The following CUL2 variants were observed in gnomAD, a reference collection of about 807,000 sequenced individuals.
CUL2 encodes the protein cullin-2.
In CUL2, 22 loss-of-function variants were observed where a neutral mutation model predicts 110.2. That is an observed-to-expected ratio of 0.20 (90% CI 0.14 to 0.28). The LOEUF (loss-of-function observed/expected upper bound fraction) is 0.28. CUL2 is among the 10% of genes least tolerant of loss of function. The pLI, the probability that CUL2 is intolerant of heterozygous loss-of-function variation, is 1.00. For missense variants in CUL2, 631 were observed against 905.5 expected (o/e 0.70, Z 3.89); for synonymous variants, 279 against 293.2 (o/e 0.95, Z 0.49).
chr10:35,024,255 A>G (rs1018957335), intron 17 of CUL2, among the ~76,000 whole-genome samples: 3 of 152,202 alleles, frequency 2.0e-5, no homozygotes, highest in Non-Finnish European at 4.4e-5. Flanking sequence ...GACTTATATA[A>G]GTAATGCAAA....
At position 35,016,193 on chromosome 10, in the gene CUL2, T is replaced by G. The variant is rs745503360; in HGVS notation, c.1886A>C (p.Lys629Thr). The change falls in exon 18 of 21, where the codon AAG becomes ACG. Residue 629 changes from lysine to threonine, a missense_variant and splice_region_variant. Transcript: ENST00000374749. Reference protein sequence around the residue: ...DVKMINHDSEKEDIDAESSFS... With the variant: ...DVKMINHDSETEDIDAESSFS... ...ATTCTTTGGAATATTACTACATACC[T>G]TTTCTGAATCATGGTTAATCATTTT... 8 of 1,611,204 alleles carry G rather than the reference T, an allele frequency of 5.0e-6. No homozygotes were observed. The highest frequency in any genetic ancestry group is 6.8e-6 in the Non-Finnish European group (8 of 1,177,922).
intron 2 of CUL2, among the ~76,000 whole-genome samples, chr10:35,098,702 G>A (rs572107914): frequency 6.3e-4 from 96 of 152,106 alleles, no homozygotes; most frequent in African/African-American, 2.2e-3. Context: ...AAGCCAACAC[G>A]GGTGGATCAC....
chr10:35,080,433 T>TTTTATTTATTTATTTA (rs139166454), intron 1 of CUL2, among the ~76,000 whole-genome samples: 2 of 140,634 alleles, frequency 1.4e-5, no homozygotes, highest in African/African-American at 2.7e-5. Flanking sequence ...GAATTCCTAT[T>TTTTATTTATTTATTTA]TTTATTTATT....
intron 11 of CUL2, 44 bp from the exon 12 acceptor site, chr10:35,032,538 A>G (rs923294469): frequency 1.2e-5 from 17 of 1,473,836 alleles, no homozygotes; most frequent in Non-Finnish European, 1.4e-5. Context: ...GCCATAGGGA[A>G]AAAGTACAGC....
intron 8 of CUL2, among the ~76,000 whole-genome samples, chr10:35,040,443 C>T (rs1009241127): frequency 1.3e-5 from 2 of 152,162 alleles, no homozygotes; most frequent in Non-Finnish European, 2.9e-5. Context: ...TAAGTGTTCC[C>T]GGGGAACTAC....
rs898987789 is a variant in CUL2, at chr10:35,009,745, G to C, written c.*566C>G. 1.3e-5 allele frequency: 2 copies of C among 152,564 alleles called. No homozygotes were observed. The highest frequency in any genetic ancestry group is 4.8e-5 in the African/African-American group (2 of 41,414). The allele number at this position is 152,564 out of a possible 1,614,324, so 9.5% of individuals were successfully genotyped here. On this transcript the variant is annotated 3_prime_UTR_variant, in exon 21 of 21. Transcript: ENST00000374749. ...CATTTTTCATGTAGGATTTAAATAG[G>C]AGTACAAGTGAATTAAACCATTCAG... is the stretch of plus-strand genomic sequence containing the variant.
intron 17 of CUL2, among the ~76,000 whole-genome samples, chr10:35,021,220 C>T (rs1006345204): frequency 6.6e-6 from 1 of 151,748 alleles, no homozygotes; most frequent in Admixed American, 6.6e-5. Flanking sequence ...TTAAATTAAC[C>T]TCCATGTTAA....
intron 9 of CUL2, among the ~76,000 whole-genome samples, chr10:35,037,283 C>T (rs1004176192): frequency 2.0e-5 from 3 of 152,216 alleles, no homozygotes; most frequent in Non-Finnish European, 4.4e-5. Flanking sequence ...AAAAGACCAT[C>T]TTTTACCTGC....
At chr10:35,115,621 T>A (rs2087584183) in intron 1 of CUL2, among the ~76,000 whole-genome samples, 1 of 150,632 alleles carries the variant, frequency 6.6e-6, no homozygotes, top group Non-Finnish European at 1.5e-5. Flanking sequence ...TGGCTGGGTG[T>A]GGTGGCTCAC....
At chr10:35,046,617 C>T (rs989788555) in intron 6 of CUL2, among the ~76,000 whole-genome samples, 7 of 152,120 alleles carry the variant, frequency 4.6e-5, no homozygotes, top group East Asian at 3.8e-4. Context: ...ATTGGCCAGG[C>T]GCAGTGGCTC....
At chr10:35,042,706 G>A (rs548022715) in intron 8 of CUL2, among the ~76,000 whole-genome samples, 36 of 152,262 alleles carry the variant, frequency 2.4e-4, no homozygotes, top group African/African-American at 8.7e-4. Flanking sequence ...GTCTCCTCAA[G>A]TGGTTGTTTA....
intron 5 of CUL2, among the ~76,000 whole-genome samples, chr10:35,053,152 A>G (rs2086156578): frequency 6.6e-6 from 1 of 152,192 alleles, no homozygotes; most frequent in Non-Finnish European, 1.5e-5. Flanking sequence ...AAGTTCAGAA[A>G]AGATGCGAAC....
At chr10:35,010,538 A>G in intron 20 of CUL2, 96 bp from the exon 21 acceptor site, 1 of 1,235,422 alleles carries the variant, frequency 8.1e-7, no homozygotes, top group Non-Finnish European at 1.1e-6. Context: ...AAATGTACTG[A>G]GGTTTCAACA....
At chr10:35,027,613 T>G (rs957853985) in intron 16 of CUL2, among the ~76,000 whole-genome samples, 1 of 152,160 alleles carries the variant, frequency 6.6e-6, no homozygotes, top group Admixed American at 6.5e-5. Context: ...GATAGTTATA[T>G]TTAAGATTAA....
At chr10:35,038,157 T>A (rs1015288463) in intron 9 of CUL2, among the ~76,000 whole-genome samples, 3 of 143,112 alleles carry the variant, frequency 2.1e-5, no homozygotes, top group African/African-American at 7.8e-5. Context: ...CTCAAAAAAA[T>A]TAATTAATTA....
In CUL2 at chr10:35,029,593, T is replaced by C; in HGVS notation, c.1434A>G (p.Thr478=). The C allele has an allele frequency of 6.3e-7, 1 of 1,596,448 alleles. No individual in the cohort carries two copies. Among genetic ancestry groups the C allele is most frequent in the Non-Finnish European group, 8.5e-7 (1 of 1,174,752 alleles). The change falls in exon 15 of 21, where the codon ACA becomes ACG. Residue 478 remains threonine, a synonymous_variant. Transcript: ENST00000374749. The stretch of plus-strand genomic sequence containing the variant: ...TGAGATCAGCGCTGACACTCATATC[T>C]GTATACATCCGATGTAGCTTGCTGG... The part of the protein sequence containing the change: ...EFTSKLHRMY[T]DMSVSADLNN...
At position 35,031,662 on chromosome 10, in the gene CUL2, G is replaced by A; in HGVS notation, c.1171-43C>T. ...AATAAATCTTACAAAGGGTGCTTCT[G>A]TATATATCACGCCTCAAAGGAGGCA... On this transcript the variant is annotated intron_variant, in intron 12 of 20. Coordinates refer to ENST00000374749, the MANE Select transcript of CUL2 (RefSeq NM_003591.4). This position sits in a 1 kb window ranked among gnomAD's most constrained non-coding sequence, Gnocchi z 4.4. 2.5e-6 allele frequency: 4 copies of A among 1,606,494 alleles called. No homozygotes were observed. Among genetic ancestry groups the A allele is most frequent in the Non-Finnish European group, 3.4e-6 (4 of 1,175,932 alleles).
intron 2 of CUL2, among the ~76,000 whole-genome samples, chr10:35,063,616 T>C (rs552314601): frequency 2.0e-5 from 3 of 152,266 alleles, no homozygotes; most frequent in Admixed American, 1.3e-4. Flanking sequence ...TTTCTGAACA[T>C]CAACTAAGTA....
chr10:35,054,595 A>G, intron 4 of CUL2, 56 bp from the exon 5 acceptor site: 2 of 916,370 alleles, frequency 2.2e-6, no homozygotes, highest in Non-Finnish European at 1.7e-6. Context: ...AGGAAAGCAA[A>G]TGACTTGCAA....
Sources: allele counts gnomAD v4.1 joint callset (sites outside exome capture counted in the v4.1 genomes callset), GRCh38; gene constraint gnomAD v4.1.1; non-coding constraint Gnocchi (gnomAD v3.1); transcripts MANE v1.5; gene names NCBI Gene and HGNC (gene_info 2026-07-23, HGNC 2026-07-21).